HTR1F: variants seen among roughly 807,000 people sequenced by gnomAD.
HTR1F encodes the protein 5-hydroxytryptamine receptor 1F.
A neutral mutation model predicts 24.0 loss-of-function variants in HTR1F; 17 were observed. The observed-to-expected ratio is 0.71, with a 90% confidence interval of 0.48 to 1.06. HTR1F has a LOEUF of 1.06. Among genes scored for constraint, HTR1F ranks in the 50% least tolerant of loss-of-function variants. HTR1F has a pLI of 0.00. For missense variants in HTR1F, 391 were observed against 427.8 expected, an observed-to-expected ratio of 0.91 and a Z score of 0.76; for synonymous variants, 186 against 156.8, an observed-to-expected ratio of 1.19 and a Z score of -1.39.
chr3:87,944,315 C>T (rs905869530), intron 2 of HTR1F, among the ~76,000 whole-genome samples: 1 of 152,144 alleles, frequency 6.6e-6, no homozygotes, highest in Non-Finnish European at 1.5e-5. Flanking sequence ...TGTAGGTAAC[C>T]TTTTGAGTCA....
At chr3:87,942,712 C>T (rs1353727834) in intron 2 of HTR1F, among the ~76,000 whole-genome samples, 2 of 151,632 alleles carry the variant, frequency 1.3e-5, no homozygotes, top group Non-Finnish European at 2.9e-5. Flanking sequence ...AGTCCACTTG[C>T]CTGAGGGCCA....
Position 87,991,561 on chromosome 3 carries a change from A to T in HTR1F, c.812A>T (p.Glu271Val). Reference sequence around the variant, plus strand: ...AGCACAGTGAGAAGTCTCAGGTCTGAATTCAAGCATGAGAAATCTTGGAGA... The same window carrying T: ...AGCACAGTGAGAAGTCTCAGGTCTGTATTCAAGCATGAGAAATCTTGGAGA... ...IHSTVRSLRS[E>V]FKHEKSWRRQ... Residue 271 changes from glutamate (E) to valine (V), a missense_variant, in exon 3 of 3, where the codon GAA becomes GTA. By Grantham distance (121) the Glu-to-Val change is moderately radical. Transcript: ENST00000319595. 3 of 1,614,144 alleles carry T rather than the reference A, an allele frequency of 1.9e-6. No homozygotes were observed. The highest frequency in any genetic ancestry group is 2.5e-6 in the Non-Finnish European group (3 of 1,180,006).
chr3:87,868,345 A>C (rs1705472281), intron 2 of HTR1F, among the ~76,000 whole-genome samples: 1 of 152,032 alleles, frequency 6.6e-6, no homozygotes, highest in Non-Finnish European at 1.5e-5. Context: ...CTCTGATTGA[A>C]ATTTGAATTA....
intron 2 of HTR1F, among the ~76,000 whole-genome samples, chr3:87,853,494 A>G (rs888043926): frequency 6.6e-6 from 1 of 152,064 alleles, no homozygotes; most frequent in Non-Finnish European, 1.5e-5. Flanking sequence ...GGTTGATTCC[A>G]TGTCATTGCT....
intron 2 of HTR1F, among the ~76,000 whole-genome samples, chr3:87,956,753 C>G (rs1576087103): frequency 6.6e-6 from 1 of 151,180 alleles, no homozygotes. Flanking sequence ...TTAGATATGA[C>G]TTTTTAAAAA....
chr3:87,810,345 TTACTA>T (rs1467460258), intron 1 of HTR1F, among the ~76,000 whole-genome samples: 1 of 152,098 alleles, frequency 6.6e-6, no homozygotes, highest in African/African-American at 2.4e-5. Context: ...GTTGCTGTCT[TTACTA>T]TAATAAACTT....
intron 2 of HTR1F, among the ~76,000 whole-genome samples, chr3:87,909,830 A>G (rs1361533810): frequency 6.6e-6 from 1 of 152,020 alleles, no homozygotes; most frequent in African/African-American, 2.4e-5. Flanking sequence ...TGCTCCAGCC[A>G]TTACACTGGC....
chr3:87,903,607 T>C (rs1377095792), intron 2 of HTR1F, among the ~76,000 whole-genome samples: 7 of 150,844 alleles, frequency 4.6e-5, no homozygotes, highest in Non-Finnish European at 7.4e-5. Flanking sequence ...ATGGCAATCA[T>C]TAAAAAGTCA....
intron 2 of HTR1F, among the ~76,000 whole-genome samples, chr3:87,846,063 C>T (rs1006722038): frequency 1.3e-5 from 2 of 151,870 alleles, no homozygotes; most frequent in African/African-American, 4.9e-5. Flanking sequence ...AAATTTCCTA[C>T]TCAGGTGGAT....
At chr3:87,818,365 G>A (rs765822977) in intron 1 of HTR1F, among the ~76,000 whole-genome samples, 31 of 152,156 alleles carry the variant, frequency 2.0e-4, no homozygotes, top group Admixed American at 3.9e-4. Context: ...GCAGGGTTGC[G>A]TATTTCCTAT....
chr3:87,991,385 C>T lies in HTR1F; in HGVS notation c.636C>T (p.Tyr212=), dbSNP rs768707290. The T allele has an allele frequency of 2.5e-6, 4 of 1,613,752 alleles. No individual in the cohort carries two copies. The highest frequency in any genetic ancestry group is 3.3e-5 in the Admixed American group (2 of 59,982). The change falls in exon 3 of 3, where the codon TAC becomes TAT. Residue 212 remains tyrosine (Y), a synonymous_variant. Coordinates refer to ENST00000319595, the MANE Select transcript of HTR1F (RefSeq NM_001322209.2). ...YKIYRAAKTL[Y]HKRQASRIAK... Reference sequence around the variant, plus strand: ...TATATAGAGCAGCAAAGACATTATACCACAAGAGACAAGCAAGTAGGATTG... The same window carrying T: ...TATATAGAGCAGCAAAGACATTATATCACAAGAGACAAGCAAGTAGGATTG...
intron 2 of HTR1F, among the ~76,000 whole-genome samples, chr3:87,985,203 C>T (rs867475006): frequency 1.2e-4 from 18 of 151,926 alleles, no homozygotes; most frequent in African/African-American, 2.9e-4. Flanking sequence ...GGTGTGGTGG[C>T]GCATGCCTGT....
intron 1 of HTR1F, among the ~76,000 whole-genome samples, chr3:87,814,708 A>G (rs1704220081): frequency 6.6e-6 from 1 of 152,200 alleles, no homozygotes; most frequent in Non-Finnish European, 1.5e-5. Flanking sequence ...TGTATGTGGT[A>G]TATAAATAGA....
chr3:87,811,772 G>T (rs986719419), intron 1 of HTR1F, among the ~76,000 whole-genome samples: 1 of 152,092 alleles, frequency 6.6e-6, no homozygotes, highest in African/African-American at 2.4e-5. Flanking sequence ...CTCATGAGCC[G>T]GTGAAAGTCA....
intron 1 of HTR1F, among the ~76,000 whole-genome samples, chr3:87,813,672 G>C (rs1204718001): frequency 6.6e-6 from 1 of 152,184 alleles, no homozygotes; most frequent in Admixed American, 6.5e-5. Flanking sequence ...ATCTCCACGT[G>C]TCGAGAGGGA....
intron 2 of HTR1F, among the ~76,000 whole-genome samples, chr3:87,878,718 G>C (rs1290014408): frequency 6.6e-6 from 1 of 151,784 alleles, no homozygotes; most frequent in African/African-American, 2.4e-5. Context: ...TTGAAATGGA[G>C]GAAAGTAAAG....
rs549907337 is a variant in HTR1F, at chr3:87,882,818, C to A, written c.-43+60694C>A. 5.3e-5 allele frequency among the ~76,000 whole-genome samples: 8 copies of A among 151,830 alleles called. No individual in the cohort carries two copies. In the East Asian group the frequency reaches 1.4e-3, roughly 26 times the overall value. ...CATGTATACATATGTAACTAACCTG[C>A]ACATTGTGCACATGTACCCTAAAAC... On this transcript the variant is annotated intron_variant, in intron 2 of 2. Transcript: ENST00000319595.
chr3:87,856,839 T>G (rs537471546), intron 2 of HTR1F, among the ~76,000 whole-genome samples: 106 of 152,260 alleles, frequency 7.0e-4, no homozygotes, highest in African/African-American at 2.4e-3. Flanking sequence ...ATAAAAGGCA[T>G]ATAACCTGTT....
At chr3:87,872,054 T>C (rs1705569806) in intron 2 of HTR1F, among the ~76,000 whole-genome samples, 1 of 152,076 alleles carries the variant, frequency 6.6e-6, no homozygotes, top group South Asian at 2.1e-4. Context: ...TCATATAAAA[T>C]GTTTTTTCAG....
Sources: allele counts gnomAD v4.1 joint callset (sites outside exome capture counted in the v4.1 genomes callset), GRCh38; gene constraint gnomAD v4.1.1; transcripts MANE v1.5; gene names NCBI Gene and HGNC (gene_info 2026-07-23, HGNC 2026-07-21).